The following PPP2R3A variants were observed in gnomAD, a reference collection of about 807,000 sequenced individuals.
PPP2R3A encodes serine/threonine-protein phosphatase 2A regulatory subunit B'' subunit alpha.
A neutral mutation model predicts 106.9 loss-of-function variants in PPP2R3A; 80 were observed. The observed-to-expected ratio is 0.75, with a 90% CI of 0.62 to 0.90. The LOEUF (loss-of-function observed/expected upper bound fraction) is 0.90. Among genes scored for constraint, PPP2R3A ranks in the 40% least tolerant of loss-of-function variants. The pLI is 0.00. For synonymous variants in PPP2R3A, 483 were observed against 468.3 expected, an observed-to-expected ratio of 1.03 and a Z score of -0.41; for missense variants, 1,386 against 1,350.4, an observed-to-expected ratio of 1.03 and a Z score of -0.41.
chr3:136,102,031 G>A lies in PPP2R3A; in HGVS notation c.2952G>A (p.Met984Ile). The change falls in exon 11 of 14, where the codon ATG becomes ATA. Residue 984 changes from methionine (M) to isoleucine (I), a missense_variant. Met to Ile is a conservative substitution (Grantham distance 10, BLOSUM62 1). Transcript: ENST00000264977. The stretch of plus-strand genomic sequence containing the variant: ...GCATTGAGTATTGGTTCCGCTGCAT[G>A]GATGTGGATGGAGACGGTGTACTCT... Reference protein sequence around the residue: ...PTSIEYWFRCMDVDGDGVLSM... With the variant: ...PTSIEYWFRCIDVDGDGVLSM... 6.2e-7 allele frequency: 1 copy of A among 1,613,980 alleles called. No individual in the cohort carries two copies. The highest frequency in any genetic ancestry group is 8.5e-7 in the Non-Finnish European group (1 of 1,179,898).
At chr3:136,133,532 A>G (rs1030247690) in intron 13 of PPP2R3A, among the ~76,000 whole-genome samples, 7 of 152,140 alleles carry the variant, frequency 4.6e-5, no homozygotes, top group East Asian at 1.9e-4. Flanking sequence ...AGGATGTAAA[A>G]CTATACAGCT....
intron 2 of PPP2R3A, among the ~76,000 whole-genome samples, chr3:136,019,193 C>T (rs1934378463): frequency 6.6e-6 from 1 of 152,180 alleles, no homozygotes; most frequent in Admixed American, 6.5e-5. Flanking sequence ...AATCAGCTAG[C>T]TTGTTAGGAT....
intron 8 of PPP2R3A, among the ~76,000 whole-genome samples, chr3:136,086,182 C>T (rs187853077): frequency 2.7e-5 from 4 of 150,670 alleles, no homozygotes; most frequent in South Asian, 4.2e-4. Flanking sequence ...TAGAGCTTTG[C>T]GTATTTAAGA....
At chr3:136,117,896 T>C (rs764437933) in intron 13 of PPP2R3A, among the ~76,000 whole-genome samples, 1 of 152,146 alleles carries the variant, frequency 6.6e-6, no homozygotes, top group South Asian at 2.1e-4. Flanking sequence ...ATCATCCTGA[T>C]ACCAAAGCCT....
At chr3:136,124,038 A>T (rs1458315764) in intron 13 of PPP2R3A, among the ~76,000 whole-genome samples, 2 of 152,208 alleles carry the variant, frequency 1.3e-5, no homozygotes, top group African/African-American at 4.8e-5. Flanking sequence ...TAATATAAAT[A>T]TGTTGTTTGA....
intron 3 of PPP2R3A, among the ~76,000 whole-genome samples, chr3:136,034,052 T>C (rs935754566): frequency 6.6e-6 from 1 of 150,874 alleles, no homozygotes; most frequent in African/African-American, 2.4e-5. Flanking sequence ...TTTTTTTTTT[T>C]TTGAGACAGA....
rs142461269 is a variant in PPP2R3A, at chr3:136,043,294, C to T, written c.2366+2332C>T. 1.1e-4 allele frequency among the ~76,000 whole-genome samples: 16 copies of T among 152,202 alleles called. No homozygotes were observed. In the East Asian group the frequency reaches 2.7e-3, roughly 26 times the overall value. On this transcript the variant is annotated intron_variant, in intron 4 of 13. Coordinates refer to ENST00000264977, the MANE Select transcript of PPP2R3A (RefSeq NM_002718.5). ...CTAACACAGTGAAACCCCATCTCTACTAAAAATGCAAAAAATTAGCCAGGC... is the reference window on the plus strand; with the variant it reads ...CTAACACAGTGAAACCCCATCTCTATTAAAAATGCAAAAAATTAGCCAGGC...
chr3:136,080,995 T>A (rs1256868639), intron 7 of PPP2R3A, among the ~76,000 whole-genome samples: 1 of 150,290 alleles, frequency 6.7e-6, no homozygotes, highest in Non-Finnish European at 1.5e-5. Context: ...TGTTTCTTTT[T>A]TCTTTTTTTT....
intron 1 of PPP2R3A, among the ~76,000 whole-genome samples, chr3:135,988,542 G>C (rs1933022752): frequency 6.6e-6 from 1 of 152,064 alleles, no homozygotes; most frequent in Non-Finnish European, 1.5e-5. Flanking sequence ...TCATTTCTCT[G>C]CTTAAAACTC....
intron 2 of PPP2R3A, among the ~76,000 whole-genome samples, chr3:136,008,185 C>T (rs1052614841): frequency 5.9e-5 from 9 of 152,288 alleles, no homozygotes; most frequent in African/African-American, 1.9e-4. Flanking sequence ...ACACTTTTCT[C>T]TCTTTACTTT....
intron 2 of PPP2R3A, among the ~76,000 whole-genome samples, chr3:136,011,321 A>T (rs1348270702): frequency 6.6e-6 from 1 of 152,114 alleles, no homozygotes; most frequent in African/African-American, 2.4e-5. Flanking sequence ...CCTCTATGAG[A>T]ACAGGGAATT....
chr3:136,136,772 C>T (rs1336254798), intron 13 of PPP2R3A, among the ~76,000 whole-genome samples: 41 of 152,302 alleles, frequency 2.7e-4, no homozygotes, highest in Middle Eastern at 3.4e-3. Context: ...AAATCCTCCA[C>T]CTACTTTACC....
At chr3:136,044,054 A>G (rs1477299319) in intron 4 of PPP2R3A, among the ~76,000 whole-genome samples, 2 of 152,184 alleles carry the variant, frequency 1.3e-5, no homozygotes, top group Admixed American at 6.5e-5. Flanking sequence ...TTATATATAT[A>G]AGTAGTTCTT....
chr3:136,079,227 A>T, intron 7 of PPP2R3A: 1 of 453,582 alleles, frequency 2.2e-6, no homozygotes, highest in Middle Eastern at 3.3e-4. Flanking sequence ...AACAGTCATC[A>T]TCACAGTCAG....
At chr3:136,003,728 A>G (rs1933742405) in intron 2 of PPP2R3A, among the ~76,000 whole-genome samples, 1 of 152,012 alleles carries the variant, frequency 6.6e-6, no homozygotes, top group African/African-American at 2.4e-5. Flanking sequence ...TGCCCTCCCC[A>G]TACCCTTCAT....
At chr3:136,083,908 T>G (rs1429964572) in intron 8 of PPP2R3A, among the ~76,000 whole-genome samples, 1 of 152,138 alleles carries the variant, frequency 6.6e-6, no homozygotes, top group Non-Finnish European at 1.5e-5. Flanking sequence ...AAGAGATGAT[T>G]TGGGGTATGT....
At chr3:136,105,599 G>A (rs1937494884) in intron 12 of PPP2R3A, among the ~76,000 whole-genome samples, 2 of 152,146 alleles carry the variant, frequency 1.3e-5, no homozygotes, top group Admixed American at 1.3e-4. Context: ...GAGGTTAGCA[G>A]TAAGCTATTG....
intron 2 of PPP2R3A, among the ~76,000 whole-genome samples, chr3:136,018,266 C>CA (rs981217299): frequency 6.6e-6 from 1 of 151,992 alleles, no homozygotes; most frequent in East Asian, 1.9e-4. Context: ...GACCCTGTCT[C>CA]AAAAAAATAA....
intron 13 of PPP2R3A, among the ~76,000 whole-genome samples, chr3:136,135,257 A>T (rs1938564808): frequency 6.6e-6 from 1 of 152,168 alleles, no homozygotes; most frequent in African/African-American, 2.4e-5. Context: ...AGATAAGATA[A>T]GGCCTACACA....
Sources: allele counts gnomAD v4.1 joint callset (sites outside exome capture counted in the v4.1 genomes callset), GRCh38; gene constraint gnomAD v4.1.1; transcripts MANE v1.5; gene names NCBI Gene and HGNC (gene_info 2026-07-23, HGNC 2026-07-21).